The following FAM13A variants were observed in gnomAD, a reference collection of about 807,000 sequenced individuals.
FAM13A encodes family with sequence similarity 13 member A, also known as protein FAM13A.
FAM13A carries 76 observed loss-of-function variants against 129.6 expected under a neutral mutation model. The ratio of observed to expected loss-of-function variants is 0.59; its 90% CI spans 0.49 to 0.71. The LOEUF (loss-of-function observed/expected upper bound fraction) is 0.71. Among genes scored for constraint, FAM13A ranks in the 30% least tolerant of loss-of-function variants. FAM13A has a pLI of 0.00. For missense variants in FAM13A, 1,108 were observed against 1,249.3 expected (o/e 0.89, Z 1.70); for synonymous variants, 443 against 449.9 (o/e 0.98, Z 0.20).
At chr4:88,768,122 C>G (rs1746059864) in intron 11 of FAM13A, 63 bp from the exon 12 acceptor site, 1 of 856,378 alleles carries the variant, frequency 1.2e-6, no homozygotes. Flanking sequence ...CGCAGACCCT[C>G]CTTTCTTTAA....
chr4:88,994,265 A>C (rs1448429999), intron 3 of FAM13A, among the ~76,000 whole-genome samples: 1 of 152,188 alleles, frequency 6.6e-6, no homozygotes, highest in Non-Finnish European at 1.5e-5. Context: ...TACAGTAAAG[A>C]CCTTAATTTA....
intron 5 of FAM13A, among the ~76,000 whole-genome samples, chr4:88,933,468 TCTC>T (rs1012693239): frequency 7.2e-5 from 11 of 152,120 alleles, no homozygotes; most frequent in African/African-American, 2.4e-4. Context: ...AATTTTCTCT[TCTC>T]CTTCACTTTA....
rs75450179 is a variant in FAM13A at position 88,979,508 on chromosome 4, T to C, written c.605+11465A>G. On this transcript the variant is annotated intron_variant, in intron 4 of 23. Transcript: ENST00000264344. ...ACCTCTTACTAGTCATGTGACCTTATGCAAGTTAAACTTTCTGTGCTGCAA... is the reference window on the plus strand; with the variant it reads ...ACCTCTTACTAGTCATGTGACCTTACGCAAGTTAAACTTTCTGTGCTGCAA... 7.4e-3 allele frequency among the ~76,000 whole-genome samples: 1,133 copies of C among 152,346 alleles called. 8 individuals carry two copies. Among genetic ancestry groups the C allele is most frequent in the Non-Finnish European group, 0.012 (813 of 68,032 alleles).
chr4:88,983,661 G>A (rs1270115635), intron 4 of FAM13A, among the ~76,000 whole-genome samples: 3 of 152,008 alleles, frequency 2.0e-5, no homozygotes, highest in South Asian at 4.2e-4. Flanking sequence ...CTAAGTAAAT[G>A]GAAAAATATT....
At chr4:88,856,421 C>T (rs1738515970) in intron 6 of FAM13A, among the ~76,000 whole-genome samples, 1 of 151,978 alleles carries the variant, frequency 6.6e-6, no homozygotes, top group African/African-American at 2.4e-5. Context: ...GAGGTTGAGG[C>T]TGCAGTGAGC....
chr4:89,016,703 T>G (rs1766540993), intron 3 of FAM13A, among the ~76,000 whole-genome samples: 1 of 152,216 alleles, frequency 6.6e-6, no homozygotes, highest in Non-Finnish European at 1.5e-5. Context: ...GGTATGATTA[T>G]GGCTCACTGC....
intron 4 of FAM13A, among the ~76,000 whole-genome samples, chr4:88,953,923 A>G (rs967662351): frequency 1.6e-4 from 24 of 152,346 alleles, no homozygotes; most frequent in Middle Eastern, 3.4e-3. Context: ...ATTTTTAAAA[A>G]GCAATCAGGT....
chr4:88,950,827 G>T (rs1399543819), intron 4 of FAM13A, among the ~76,000 whole-genome samples: 1 of 152,130 alleles, frequency 6.6e-6, no homozygotes, highest in African/African-American at 2.4e-5. Flanking sequence ...AACAGTGACG[G>T]GTCAATAACT....
chr4:88,786,843 T>C (rs1305862140), intron 10 of FAM13A, among the ~76,000 whole-genome samples: 2 of 151,956 alleles, frequency 1.3e-5, no homozygotes, highest in Admixed American at 1.3e-4. Context: ...TGAAAAAGAA[T>C]GCGAATGAGG....
chr4:89,011,231 A>G (rs936893671), intron 3 of FAM13A, among the ~76,000 whole-genome samples: 2 of 151,648 alleles, frequency 1.3e-5, no homozygotes, highest in African/African-American at 4.8e-5. Context: ...TTAAAATCCC[A>G]TGATGAGTTT....
intron 19 of FAM13A, among the ~76,000 whole-genome samples, chr4:88,740,876 C>CTA (rs1291398010): frequency 6.6e-6 from 1 of 152,198 alleles, no homozygotes; most frequent in Non-Finnish European, 1.5e-5. Flanking sequence ...CTACTATGTA[C>CTA]TATACCATGA....
chr4:89,050,135 T>G (rs1028693916), intron 1 of FAM13A, among the ~76,000 whole-genome samples: 1 of 152,160 alleles, frequency 6.6e-6, no homozygotes, highest in Non-Finnish European at 1.5e-5. Flanking sequence ...CAGAGTGTAG[T>G]CAGTGACGAA....
intron 7 of FAM13A, among the ~76,000 whole-genome samples, chr4:88,837,463 C>G (rs1735012988): frequency 6.7e-6 from 1 of 150,294 alleles, no homozygotes; most frequent in Non-Finnish European, 1.5e-5. Flanking sequence ...CGCCTGTAAT[C>G]CCACCACTTT....
chr4:88,958,039 G>C (rs1166776452), intron 4 of FAM13A, among the ~76,000 whole-genome samples: 3 of 151,808 alleles, frequency 2.0e-5, no homozygotes, highest in African/African-American at 7.3e-5. Context: ...ATAAAGTTTG[G>C]AAAATGTGCA....
intron 11 of FAM13A, among the ~76,000 whole-genome samples, chr4:88,780,137 T>G (rs1722567801): frequency 6.6e-6 from 1 of 152,208 alleles, no homozygotes; most frequent in East Asian, 1.9e-4. Context: ...TTCTGTTCAC[T>G]CTAGCTGATC....
At chr4:88,812,738 G>C (rs191843687) in intron 7 of FAM13A, among the ~76,000 whole-genome samples, 43 of 152,230 alleles carry the variant, frequency 2.8e-4, no homozygotes, top group Admixed American at 2.6e-3. Context: ...CTCATTTCCA[G>C]ATTTGTTGTT....
intron 3 of FAM13A, among the ~76,000 whole-genome samples, chr4:89,016,033 A>G (rs1398940): frequency 0.57 from 86,221 of 151,734 alleles, 24,979 homozygotes; most frequent in South Asian, 0.74. Context: ...GAAGTATTCC[A>G]TAAGAAGGCA....
At chr4:88,809,641 A>C (rs1413930916) in intron 7 of FAM13A, among the ~76,000 whole-genome samples, 1 of 121,968 alleles carries the variant, frequency 8.2e-6, no homozygotes, top group Non-Finnish European at 1.8e-5. Context: ...AAGGGGAGGA[A>C]TTTTCTTAGA....
intron 11 of FAM13A, among the ~76,000 whole-genome samples, chr4:88,776,180 C>T (rs1436190019): frequency 6.6e-6 from 1 of 152,230 alleles, no homozygotes; most frequent in Non-Finnish European, 1.5e-5. Flanking sequence ...TCTAATACTA[C>T]TGCCACCACC....
Sources: allele counts gnomAD v4.1 joint callset (sites outside exome capture counted in the v4.1 genomes callset), GRCh38; gene constraint gnomAD v4.1.1; transcripts MANE v1.5; gene names NCBI Gene and HGNC (gene_info 2026-07-23, HGNC 2026-07-21).